Variants in GAB3 observed in about 807,000 individuals in gnomAD.
GAB3 encodes the protein GRB2-associated-binding protein 3.
GAB3 carries 12 observed loss-of-function variants against 40.4 expected under a neutral mutation model. The ratio of observed to expected loss-of-function variants is 0.30; its 90% CI spans 0.19 to 0.48. The LOEUF is 0.48. Among genes scored for constraint, GAB3 ranks in the 20% least tolerant of loss-of-function variants. GAB3 has a pLI of 0.99. For synonymous variants in GAB3, 154 were observed against 176.7 expected (o/e 0.87, Z 1.02); for missense variants, 381 against 461.9 (o/e 0.82, Z 1.61).
intron 1 of GAB3, among the ~76,000 whole-genome samples, chrX:154,719,613 T>C (rs1238367912): frequency 8.9e-6 from 1 of 112,468 alleles, no homozygotes; most frequent in Non-Finnish European, 1.9e-5. Flanking sequence ...GGACGTAGCA[T>C]AGTCTTGATG....
chrX:154,686,476 A>G (rs2070451731), intron 8 of GAB3, among the ~76,000 whole-genome samples: 1 of 110,075 alleles, frequency 9.1e-6, no homozygotes, highest in Non-Finnish European at 1.9e-5. Flanking sequence ...GAGGAAAATA[A>G]AAACCTCCTA....
At chrX:154,686,979 C>T (rs782328838) in intron 8 of GAB3, among the ~76,000 whole-genome samples, 46 of 108,502 alleles carry the variant, frequency 4.2e-4, no homozygotes, top group Non-Finnish European at 3.8e-4. Context: ...CACTTGAGGT[C>T]GGGGGTTCGA....
intron 4 of GAB3, among the ~76,000 whole-genome samples, chrX:154,702,384 T>A (rs1292226594): frequency 1.8e-5 from 2 of 112,184 alleles, no homozygotes; most frequent in African/African-American, 6.5e-5. Context: ...AACACTTAAA[T>A]CTAAGACATC....
intron 8 of GAB3, among the ~76,000 whole-genome samples, chrX:154,692,096 A>G (rs1557249564): frequency 8.9e-6 from 1 of 111,915 alleles, no homozygotes; most frequent in East Asian, 2.8e-4. Flanking sequence ...TCTTCATGAC[A>G]TTGGATTTGG....
chrX:154,700,158 G>T, intron 4 of GAB3, 99 bp from the exon 5 acceptor site: 1 of 642,763 alleles, frequency 1.6e-6, no homozygotes. Flanking sequence ...GTTGCTATTA[G>T]AGTCTAGCTG....
rs1015029534 is a variant in GAB3, at chrX:154,716,168, C to T, written c.234G>A (p.Lys78=). 2.5e-6 allele frequency: 3 copies of T among 1,211,240 alleles called. No homozygotes were observed. The highest frequency in any genetic ancestry group is 3.5e-5 in the African/African-American group (2 of 57,544). ...TGAACACGAAATTATTCTGAAATTC[C>T]TTCCGAACAAAGCTGGGGCCCACAT... ...WKHVGPSFVR[K]EFQNNFVFIV... Residue 78 remains lysine, a synonymous_variant, in exon 2 of 10, where the codon AAG becomes AAA. Coordinates refer to ENST00000424127, the MANE Select transcript of GAB3 (RefSeq NM_001081573.3).
At chrX:154,680,371 G>T (rs782718452) in intron 8 of GAB3, 123 bp from the exon 9 acceptor site, 2 of 422,094 alleles carry the variant, frequency 4.7e-6, no homozygotes, top group East Asian at 7.5e-5. Flanking sequence ...AGTCTGATGA[G>T]ACCTGAGTCA....
At chrX:154,697,475 G>A (rs782370270) in intron 6 of GAB3, among the ~76,000 whole-genome samples, 2 of 111,904 alleles carry the variant, frequency 1.8e-5, no homozygotes, top group Non-Finnish European at 3.8e-5. Context: ...GTGCTTCTAG[G>A]TGTCGAAGGC....
At chrX:154,741,527 T>C (rs2071438884) in intron 1 of GAB3, among the ~76,000 whole-genome samples, 1 of 108,546 alleles carries the variant, frequency 9.2e-6, no homozygotes, top group African/African-American at 3.4e-5. Flanking sequence ...AATACAGAAA[T>C]GAGCCGGGTG....
At position 154,712,605 on chromosome X, in the gene GAB3, G is replaced by A. The variant is rs1557256487; in HGVS notation, c.693C>T (p.Pro231=). ...ATGAGGGGTGGACCAAATGACTGGA[G>A]GGGAGCGGCTGCAGGCAGTCAACAA... ...DVFVDCLQPL[P]SSHLVHPSCH... is the part of the protein sequence containing the mutation. Residue 231 remains proline, a synonymous_variant, in exon 4 of 10, where the codon CCC becomes CCT. Transcript: ENST00000424127. 3 of 1,143,646 alleles carry A rather than the reference G, an allele frequency of 2.6e-6. No individual in the cohort carries two copies. Among genetic ancestry groups the A allele is most frequent in the Admixed American group, 3.0e-5 (1 of 33,861 alleles). 94.2% of individuals were successfully genotyped at this position (1,143,646 alleles called of 1,213,427 possible).
At chrX:154,709,213 G>C (rs1210684627) in intron 4 of GAB3, among the ~76,000 whole-genome samples, 1 of 110,955 alleles carries the variant, frequency 9.0e-6, no homozygotes, top group Non-Finnish European at 1.9e-5. Context: ...ATGATTGTAA[G>C]TTTCCTGAGG....
intron 4 of GAB3, among the ~76,000 whole-genome samples, chrX:154,710,859 T>C (rs1312303695): frequency 1.8e-5 from 2 of 112,775 alleles, no homozygotes; most frequent in East Asian, 5.5e-4. Context: ...GTTTTTGTTC[T>C]TCAATTTAAG....
At chrX:154,679,792 T>C (rs2070349725) in intron 9 of GAB3, among the ~76,000 whole-genome samples, 1 of 111,763 alleles carries the variant, frequency 8.9e-6, no homozygotes, top group African/African-American at 3.3e-5. Context: ...AACTAGACTA[T>C]TACTTGTTCC....
chrX:154,693,100 C>T (rs1339818657), intron 8 of GAB3, among the ~76,000 whole-genome samples: 1 of 111,361 alleles, frequency 9.0e-6, no homozygotes, highest in Non-Finnish European at 1.9e-5. Context: ...AAAATGTGGT[C>T]AGCCTTAAAA....
chrX:154,720,000 T>C (rs1193177222), intron 1 of GAB3, among the ~76,000 whole-genome samples: 1 of 112,084 alleles, frequency 8.9e-6, no homozygotes, highest in Non-Finnish European at 1.9e-5. Context: ...ATAGTAACAA[T>C]GAACCAAATA....
rs1422464824 is a variant in GAB3 at position 154,714,598 on chromosome X, G to GA, written c.377-1173_377-1172insT. Among the ~76,000 whole-genome samples, 3 of 112,122 alleles carry GA rather than the reference G, an allele frequency of 2.7e-5. No homozygotes were observed. The Admixed American group carries it at 2.8e-4, about 11-fold the overall frequency. ...GCTACAGAGAATGGAAAGGGTCATA[G>GA]GTGAGTTTTCTGGCTTCCTCCAACT... On this transcript the variant is annotated intron_variant, in intron 2 of 9. Transcript: ENST00000424127.
intron 8 of GAB3, among the ~76,000 whole-genome samples, chrX:154,692,745 G>A (rs887800282): frequency 2.7e-5 from 3 of 111,538 alleles, no homozygotes; most frequent in African/African-American, 9.8e-5. Flanking sequence ...CCGAGCTTGC[G>A]CCACTGCACT....
Position 154,691,907 on chromosome X carries a change from T to C in GAB3, c.1530+4010A>G, listed in dbSNP as rs184551700. Among the ~76,000 whole-genome samples the C allele has an allele frequency of 7.2e-5, 8 of 111,874 alleles. 1 individual carries two copies. Among genetic ancestry groups the C allele is most frequent in the African/African-American group, 2.6e-4 (8 of 30,872 alleles). ...ATGAGAGCGCCAGGACCATTCGACA[T>C]GGAAAGGATAGTCTAGACTTTCCAA... On this transcript the variant is annotated intron_variant, in intron 8 of 9. Coordinates refer to ENST00000424127, the MANE Select transcript of GAB3 (RefSeq NM_001081573.3).
intron 1 of GAB3, among the ~76,000 whole-genome samples, chrX:154,721,401 A>AGGAT (rs1569557924): frequency 8.9e-6 from 1 of 112,421 alleles, no homozygotes; most frequent in African/African-American, 3.2e-5. Flanking sequence ...TTGCTGTGTC[A>AGGAT]CCCCATAGCA....
Sources: gnomAD v4.1 joint callset for allele counts (sites outside exome capture counted in the v4.1 genomes callset) on GRCh38, gnomAD v4.1.1 for gene constraint, MANE v1.5 for transcripts, NCBI Gene and HGNC (gene_info 2026-07-23, HGNC 2026-07-21) for gene names.